SUFU: variants seen among roughly 807,000 people sequenced by gnomAD.
SUFU encodes SUFU negative regulator of hedgehog signaling, also known as suppressor of fused homolog.
In SUFU, 7 loss-of-function variants were observed where a neutral mutation model predicts 58.9. That is an observed-to-expected ratio of 0.12 (90% CI 0.07 to 0.22). The LOEUF is 0.22. Ranked by LOEUF, SUFU falls within the 10% of genes least tolerant of loss-of-function variation. SUFU has a pLI of 1.00. For synonymous variants in SUFU, 232 were observed against 254.8 expected (o/e 0.91, Z 0.85); for missense variants, 451 against 641.3 (o/e 0.70, Z 3.20).
intron 3 of SUFU, chr10:102,579,890 T>C (rs990963391): frequency 1.0e-6 from 1 of 984,542 alleles, no homozygotes; most frequent in Admixed American, 6.2e-5. Flanking sequence ...TTCTTGCTTC[T>C]ACCACATGAC....
chr10:102,503,480 G>T (rs1404055110), upstream of SUFU, among the ~76,000 whole-genome samples: 1 of 152,122 alleles, frequency 6.6e-6, no homozygotes, highest in African/African-American at 2.4e-5. Context: ...GTGAAGAGAG[G>T]TTATGTGTCA....
At position 102,511,950 on chromosome 10, in the gene SUFU, G is replaced by T. The variant is rs534941314; in HGVS notation, c.317+2647G>T. Reference sequence around the variant, plus strand: ...TGGTCTCAGATGCCTGGGCTGAAGCGATCTTCCTGCCTTGGCCTCCCAGAG... The same window carrying T: ...TGGTCTCAGATGCCTGGGCTGAAGCTATCTTCCTGCCTTGGCCTCCCAGAG... On this transcript the variant is annotated intron_variant, in intron 2 of 11. Transcript: ENST00000369902. Among the ~76,000 whole-genome samples the T allele has an allele frequency of 2.0e-5, 3 of 152,206 alleles. No homozygotes were observed. The South Asian group carries it at 6.2e-4, about 31-fold the overall frequency.
intron 6 of SUFU, among the ~76,000 whole-genome samples, chr10:102,594,843 C>T (rs1166949117): frequency 1.3e-5 from 2 of 152,084 alleles, no homozygotes; most frequent in Non-Finnish European, 2.9e-5. Context: ...CTCAGCCTCC[C>T]GAGTAGCTGA....
intron 3 of SUFU, among the ~76,000 whole-genome samples, chr10:102,553,517 G>A (rs1033836881): frequency 1.3e-5 from 2 of 151,194 alleles, no homozygotes; most frequent in Non-Finnish European, 2.9e-5. Flanking sequence ...AGGCTGGAGT[G>A]CAGTGGTGTG....
chr10:102,619,704 TTC>T lies in SUFU; in HGVS notation c.1296+2279_1296+2280del. ...CTCCCCCTGCCAGGCAGTCAGCACTTTCTCCCTCTGACTGCCAGCCAGCCGCC... is the reference window on the plus strand; with the variant it reads ...CTCCCCCTGCCAGGCAGTCAGCACTTTCCCTCTGACTGCCAGCCAGCCGCC... On this transcript the variant is annotated intron_variant, in intron 10 of 11. Coordinates refer to ENST00000369902, the MANE Select transcript of SUFU (RefSeq NM_016169.4). This position sits in a 1 kb window ranked among gnomAD's most constrained non-coding sequence, Gnocchi z 4.2. Among the ~76,000 whole-genome samples the T allele has an allele frequency of 6.6e-6, 1 of 152,288 alleles. No individual in the cohort carries two copies. Among genetic ancestry groups the T allele is most frequent in the South Asian group, 2.1e-4 (1 of 4,832 alleles).
At chr10:102,571,141 T>C (rs2063156276) in intron 3 of SUFU, among the ~76,000 whole-genome samples, 1 of 152,196 alleles carries the variant, frequency 6.6e-6, no homozygotes, top group African/African-American at 2.4e-5. Flanking sequence ...GACTCTTAAC[T>C]AGAGGATCTG....
chr10:102,508,645 T>A (rs1358190796), intron 1 of SUFU, among the ~76,000 whole-genome samples: 2 of 152,210 alleles, frequency 1.3e-5, no homozygotes, highest in African/African-American at 4.8e-5. Context: ...TGGGTTTGTT[T>A]AGAACAAACT....
chr10:102,547,713 T>C (rs957977904), intron 2 of SUFU, among the ~76,000 whole-genome samples: 10 of 152,052 alleles, frequency 6.6e-5, no homozygotes, highest in African/African-American at 2.4e-4. Flanking sequence ...TTCCAGCTAC[T>C]TGGGAGGTTG....
chr10:102,610,091 A>G (rs1334831079), intron 8 of SUFU, among the ~76,000 whole-genome samples: 1 of 151,992 alleles, frequency 6.6e-6, no homozygotes, highest in Non-Finnish European at 1.5e-5. Context: ...AGAAATGCCT[A>G]CCTGGCTGGG....
chr10:102,621,248 TC>T (rs1028478641), intron 10 of SUFU, among the ~76,000 whole-genome samples: 1 of 152,170 alleles, frequency 6.6e-6, no homozygotes, highest in Non-Finnish European at 1.5e-5. Flanking sequence ...ATACTTATTC[TC>T]CCTGGAGACC....
At chr10:102,580,029 A>ACCCCCCCCCCCCCC (rs71474507) in intron 3 of SUFU, among the ~76,000 whole-genome samples, 6 of 84,658 alleles carry the variant, frequency 7.1e-5, no homozygotes, top group Non-Finnish European at 9.9e-5. Context: ...CCTCCCCCGC[A>ACCCCCCCCCCCCCC]CCCCCCCCCC....
At chr10:102,548,066 G>A (rs1026724085) in intron 2 of SUFU, among the ~76,000 whole-genome samples, 1 of 152,056 alleles carries the variant, frequency 6.6e-6, no homozygotes, top group Admixed American at 6.6e-5. Context: ...CAAGAGGATC[G>A]CTTGAGCCCC....
intron 2 of SUFU, among the ~76,000 whole-genome samples, chr10:102,524,877 G>A (rs1186015069): frequency 6.6e-6 from 1 of 152,184 alleles, no homozygotes; most frequent in African/African-American, 2.4e-5. Context: ...TTGCTTTGGG[G>A]TTTTTCCGAC....
At chr10:102,526,521 C>G (rs2062609998) in intron 2 of SUFU, among the ~76,000 whole-genome samples, 1 of 152,000 alleles carries the variant, frequency 6.6e-6, no homozygotes, top group Admixed American at 6.6e-5. Flanking sequence ...CCACTGCACT[C>G]CAGCCTAGGT....
At chr10:102,599,655 G>A (rs1476647882) in intron 8 of SUFU, 111 bp downstream of exon 8, 3 of 946,462 alleles carry the variant, frequency 3.2e-6, no homozygotes, top group African/African-American at 3.2e-5. Context: ...TGCTGGATGG[G>A]CCCAGGATCT....
At chr10:102,513,237 C>T (rs2062423287) in intron 2 of SUFU, among the ~76,000 whole-genome samples, 9 of 151,950 alleles carry the variant, frequency 5.9e-5, no homozygotes, top group Admixed American at 5.9e-4. Flanking sequence ...CTTAATGAAT[C>T]CTCATTTAAA....
chr10:102,622,333 C>T (rs953447031), intron 10 of SUFU, among the ~76,000 whole-genome samples: 11 of 152,158 alleles, frequency 7.2e-5, no homozygotes, highest in African/African-American at 1.2e-4. Flanking sequence ...TGGCCAGGTG[C>T]GGTGGCTCAC....
At chr10:102,507,963 T>A (rs1032355535) in intron 1 of SUFU, among the ~76,000 whole-genome samples, 1 of 55,664 alleles carries the variant, frequency 1.8e-5, no homozygotes, top group African/African-American at 7.9e-5. Context: ...TCTTATCCAT[T>A]TTTTTTTTTT....
intron 2 of SUFU, among the ~76,000 whole-genome samples, chr10:102,535,498 AG>A (rs1484167935): frequency 1.7e-4 from 25 of 151,036 alleles, no homozygotes; most frequent in East Asian, 5.8e-4. Flanking sequence ...AAAAAAAAAA[AG>A]AGAAAGAAAA....
Sources: gnomAD v4.1 joint callset for allele counts (sites outside exome capture counted in the v4.1 genomes callset) on GRCh38, gnomAD v4.1.1 for gene constraint, Gnocchi (gnomAD v3.1) non-coding constraint, MANE v1.5 for transcripts, NCBI Gene and HGNC (gene_info 2026-07-23, HGNC 2026-07-21) for gene names.